SH3BP4: variants seen among roughly 807,000 people sequenced by gnomAD.
SH3BP4 encodes the protein SH3 domain-binding protein 4.
SH3BP4 carries 33 observed loss-of-function variants against 65.5 expected under a neutral mutation model. The observed-to-expected ratio is 0.50, with a 90% CI of 0.38 to 0.67. SH3BP4 has a LOEUF of 0.67. Ranked by LOEUF, SH3BP4 falls within the 30% of genes least tolerant of loss-of-function variation. The pLI, the probability that SH3BP4 is intolerant of heterozygous loss-of-function variation, is 0.00. For missense variants in SH3BP4, 1,134 were observed against 1,261.4 expected (o/e 0.90, Z 1.53); for synonymous variants, 552 against 545.5 (o/e 1.01, Z -0.17).
At chr2:235,043,818 A>G (rs1026798383) in intron 4 of SH3BP4, among the ~76,000 whole-genome samples, 3 of 152,260 alleles carry the variant, frequency 2.0e-5, no homozygotes, top group Admixed American at 6.5e-5. Context: ...GCTGCCTGGG[A>G]TATACGTGTG....
intron 1 of SH3BP4, among the ~76,000 whole-genome samples, chr2:234,971,308 C>T (rs1171032942): frequency 2.0e-5 from 3 of 152,202 alleles, no homozygotes; most frequent in Non-Finnish European, 4.4e-5. Context: ...CAAGGTTCAT[C>T]CATGCTGTGG....
chr2:235,005,497 G>A (rs557457398), intron 2 of SH3BP4, among the ~76,000 whole-genome samples: 57 of 152,226 alleles, frequency 3.7e-4, no homozygotes, highest in African/African-American at 1.3e-3. Context: ...TCCTGTTGGG[G>A]CCTTGAGTGA....
At position 235,046,007 on chromosome 2, in the gene SH3BP4, C is replaced by G. The variant is rs930182999; in HGVS notation, c.2478+2760C>G. ...TTTAGAACGGGGTCAGCCTTTGCCC[C>G]TGCCCCACAAAGTCGTGTAAGATCT... is the stretch of plus-strand genomic sequence containing the variant. On this transcript the variant is annotated intron_variant, in intron 4 of 5. Transcript: ENST00000392011. This position sits in a 1 kb window ranked among gnomAD's most constrained non-coding sequence, Gnocchi z 4.2. Among the ~76,000 whole-genome samples the G allele has an allele frequency of 2.0e-5, 3 of 152,238 alleles. No individual in the cohort carries two copies. The highest frequency in any genetic ancestry group is 3.2e-3 in the Middle Eastern group (1 of 316).
chr2:235,053,701 A>G lies in SH3BP4; in HGVS notation c.2777A>G (p.Asn926Ser), dbSNP rs745606404. ...CACCTGGGCCTGGACAAGATGAAAA[A>G]CCCCATCACCAAGCGCTGGAAGCAC... The part of the protein sequence containing the change: ...ELHLGLDKMK[N>S]PITKRWKHLT... The change falls in exon 6 of 6, where the codon AAC becomes AGC. Residue 926 changes from asparagine (N) to serine (S), a missense_variant. Transcript: ENST00000392011. 2.5e-6 allele frequency: 4 copies of G among 1,613,348 alleles called. No homozygotes were observed. Among genetic ancestry groups the G allele is most frequent in the South Asian group, 1.1e-5 (1 of 91,034 alleles).
Position 235,033,052 on chromosome 2 carries a change from G to A in SH3BP4, c.-132-1819G>A, listed in dbSNP as rs557045550. 4.6e-5 allele frequency among the ~76,000 whole-genome samples: 7 copies of A among 152,290 alleles called. No individual in the cohort carries two copies. Among genetic ancestry groups the A allele is most frequent in the Non-Finnish European group, 8.8e-5 (6 of 68,014 alleles). ...TACACTGCTGGGTAGGAGAGACGGCGGGGCTGGGCTCAGGTAGGTGTTTTT... is the reference window on the plus strand; with the variant it reads ...TACACTGCTGGGTAGGAGAGACGGCAGGGCTGGGCTCAGGTAGGTGTTTTT... On this transcript the variant is annotated intron_variant, in intron 2 of 5. Transcript: ENST00000392011. The surrounding 1 kb of genome is among the most constrained non-coding windows in gnomAD (Gnocchi z 5.7).
intron 2 of SH3BP4, among the ~76,000 whole-genome samples, chr2:235,017,725 CT>C (rs1402716514): frequency 6.6e-6 from 1 of 152,196 alleles, no homozygotes; most frequent in African/African-American, 2.4e-5. Context: ...GTCAGGCCCC[CT>C]CCCCTGCTTT....
chr2:234,984,186 C>T (rs535411678), intron 1 of SH3BP4, among the ~76,000 whole-genome samples: 67 of 151,520 alleles, frequency 4.4e-4, no homozygotes, highest in African/African-American at 1.4e-3. Context: ...GGCATATACA[C>T]GTGTATGAGT....
chr2:235,000,838 C>T (rs1345080348), intron 2 of SH3BP4, among the ~76,000 whole-genome samples: 1 of 152,250 alleles, frequency 6.6e-6, no homozygotes, highest in Admixed American at 6.5e-5. Flanking sequence ...TGCCAGCAGC[C>T]TCTGTGTGGG....
At chr2:234,953,490 G>A (rs1479744489) in intron 1 of SH3BP4, among the ~76,000 whole-genome samples, 1 of 152,164 alleles carries the variant, frequency 6.6e-6, no homozygotes, top group Non-Finnish European at 1.5e-5. Context: ...GTGGGCTGGG[G>A]GCTTTCCTTG....
rs1322849772 is a variant in SH3BP4, at chr2:234,997,194, G to C, written c.-133+1818G>C. Among the ~76,000 whole-genome samples the C allele has an allele frequency of 2.0e-5, 3 of 152,198 alleles. No individual in the cohort carries two copies. The highest frequency in any genetic ancestry group is 4.4e-5 in the Non-Finnish European group (3 of 68,034). ...CCACAGCAGTTAGAGACCATCCACAGGCCACCACACTTTAAGCTGATTTTC... is the reference window on the plus strand; with the variant it reads ...CCACAGCAGTTAGAGACCATCCACACGCCACCACACTTTAAGCTGATTTTC... On this transcript the variant is annotated intron_variant, in intron 2 of 5. Transcript: ENST00000392011. The surrounding 1 kb of genome is among the most constrained non-coding windows in gnomAD (Gnocchi z 4.2).
intron 2 of SH3BP4, among the ~76,000 whole-genome samples, chr2:235,025,243 G>A (rs1336918273): frequency 1.3e-5 from 2 of 152,128 alleles, no homozygotes; most frequent in South Asian, 2.1e-4. Flanking sequence ...TCAGCGGCAG[G>A]GTGAGGGCGG....
intron 2 of SH3BP4, among the ~76,000 whole-genome samples, chr2:235,005,936 TCTTGCGTGCCCG>T (rs1410308373): frequency 2.0e-5 from 3 of 152,228 alleles, no homozygotes; most frequent in Admixed American, 6.5e-5. Flanking sequence ...GGAATCCCGC[TCTTGCGTGCCCG>T]CCTGTGTTCC....
chr2:234,986,809 A>AT (rs59337610), intron 1 of SH3BP4, among the ~76,000 whole-genome samples: 21,125 of 133,220 alleles, frequency 0.16, 1,526 homozygotes, highest in African/African-American at 0.18. Flanking sequence ...TAATGATTTT[A>AT]TTTTTTTTTT....
chr2:235,044,227 C>T (rs909806361), intron 4 of SH3BP4, among the ~76,000 whole-genome samples: 1 of 152,218 alleles, frequency 6.6e-6, no homozygotes, highest in African/African-American at 2.4e-5. Context: ...ATTTGTTTTG[C>T]CAGCACAACC....
In SH3BP4 at chr2:234,978,552, T is replaced by C. The variant is rs1693246292; in HGVS notation, c.-206-16751T>C. The C allele has an allele frequency of 6.6e-6, 1 of 152,502 alleles. No individual in the cohort carries two copies. The highest frequency in any genetic ancestry group is 1.9e-4 in the East Asian group (1 of 5,188). The allele number at this position is 152,502 out of a possible 1,614,324, so 9.4% of individuals were successfully genotyped here. ...CTCCTTTCCTGCTGCAGGTGCCGCGTCTCTTTCTTAAGCCTGTGTAGAAAG... is the reference window on the plus strand; with the variant it reads ...CTCCTTTCCTGCTGCAGGTGCCGCGCCTCTTTCTTAAGCCTGTGTAGAAAG... On this transcript the variant is annotated intron_variant, in intron 1 of 5. Transcript: ENST00000392011. This position sits in a 1 kb window ranked among gnomAD's most constrained non-coding sequence, Gnocchi z 4.1.
At chr2:235,050,236 C>G (rs1696005312) in intron 4 of SH3BP4, among the ~76,000 whole-genome samples, 1 of 152,188 alleles carries the variant, frequency 6.6e-6, no homozygotes, top group Non-Finnish European at 1.5e-5. Context: ...CTGCCTCAGC[C>G]TCCTGAGTAG....
In SH3BP4 at chr2:234,997,032, C is replaced by T. The variant is rs949667769; in HGVS notation, c.-133+1656C>T. ...GGTGCCGCCATCCCACAGCGGTGCCCGCTTGTCTCCGTGGCGGGCACACAG... is the reference window on the plus strand; with the variant it reads ...GGTGCCGCCATCCCACAGCGGTGCCTGCTTGTCTCCGTGGCGGGCACACAG... On this transcript the variant is annotated intron_variant, in intron 2 of 5. Transcript: ENST00000392011. This position sits in a 1 kb window ranked among gnomAD's most constrained non-coding sequence, Gnocchi z 4.2. Among the ~76,000 whole-genome samples the T allele has an allele frequency of 6.6e-5, 10 of 152,216 alleles. No homozygotes were observed. Among genetic ancestry groups the T allele is most frequent in the African/African-American group, 1.9e-4 (8 of 41,462 alleles).
At chr2:234,994,140 C>T (rs1021018749) in intron 1 of SH3BP4, among the ~76,000 whole-genome samples, 1 of 152,132 alleles carries the variant, frequency 6.6e-6, no homozygotes, top group Admixed American at 6.5e-5. Flanking sequence ...TTTCCTCCCT[C>T]CCTCTTCCCC....
chr2:234,964,359 G>A (rs1037198755), intron 1 of SH3BP4, among the ~76,000 whole-genome samples: 7 of 152,130 alleles, frequency 4.6e-5, no homozygotes, highest in Admixed American at 2.6e-4. Context: ...TCTTGTTCAC[G>A]CTTTAATGCC....
Sources: allele counts gnomAD v4.1 joint callset (sites outside exome capture counted in the v4.1 genomes callset), GRCh38; gene constraint gnomAD v4.1.1; non-coding constraint Gnocchi (gnomAD v3.1); transcripts MANE v1.5; gene names NCBI Gene and HGNC (gene_info 2026-07-23, HGNC 2026-07-21).